The following RIT2 variants were observed in gnomAD, a reference collection of about 807,000 sequenced individuals.
RIT2 encodes the protein Ras like without CAAX 2.
RIT2 carries 24 observed loss-of-function variants against 23.7 expected under a neutral mutation model. That is an observed-to-expected ratio of 1.01 (90% CI 0.73 to 1.43). The LOEUF (loss-of-function observed/expected upper bound fraction) is 1.43. Ranked by LOEUF, RIT2 falls within the 40% of genes most tolerant of loss-of-function variation. RIT2 has a pLI of 0.00. For missense variants in RIT2, 236 were observed against 266.9 expected, an observed-to-expected ratio of 0.88 and a Z score of 0.81; for synonymous variants, 107 against 91.1, an observed-to-expected ratio of 1.17 and a Z score of -0.99.
chr18:42,763,342 G>C (rs1408040106), intron 4 of RIT2, among the ~76,000 whole-genome samples: 2 of 151,868 alleles, frequency 1.3e-5, no homozygotes, highest in South Asian at 2.1e-4. Context: ...GGCCCCTGTA[G>C]TCCCAGCTAC....
At chr18:42,776,831 G>A (rs1016527458) in intron 4 of RIT2, among the ~76,000 whole-genome samples, 1 of 152,058 alleles carries the variant, frequency 6.6e-6, no homozygotes, top group African/African-American at 2.4e-5. Context: ...GAGAAGCAAT[G>A]GGAAGGGCAT....
rs1403577036 is a variant in RIT2, at chr18:42,837,389, G to A, written c.426+86183C>T. Among the ~76,000 whole-genome samples, 5 of 151,354 alleles carry A rather than the reference G, an allele frequency of 3.3e-5. 1 individual carries two copies. Among genetic ancestry groups the A allele is most frequent in the Admixed American group, 1.3e-4 (2 of 15,208 alleles). On this transcript the variant is annotated intron_variant, in intron 4 of 4. Coordinates refer to ENST00000326695, the MANE Select transcript of RIT2 (RefSeq NM_002930.4). ...TCATCTTGTTAGCCAGGATGGTCTC[G>A]ATCTCCTGACCTCATGATCCGCCCG...
At chr18:42,766,542 G>C (rs1348457870) in intron 4 of RIT2, among the ~76,000 whole-genome samples, 1 of 152,184 alleles carries the variant, frequency 6.6e-6, no homozygotes, top group African/African-American at 2.4e-5. Context: ...GGAAAGCAGA[G>C]CATAAAAGTT....
intron 1 of RIT2, among the ~76,000 whole-genome samples, chr18:43,039,269 T>C (rs933028743): frequency 9.2e-5 from 14 of 152,130 alleles, no homozygotes; most frequent in Non-Finnish European, 1.5e-4. Flanking sequence ...CTCAGTCTTT[T>C]AAGTCTTCCC....
rs1215618608 is a variant in RIT2, at chr18:42,844,722, T to A, written c.426+78850A>T. On this transcript the variant is annotated intron_variant, in intron 4 of 4. Coordinates refer to ENST00000326695, the MANE Select transcript of RIT2 (RefSeq NM_002930.4). ...GGCAACATTGATTGGTAAAAAGACATTATTCAGAAAGAACCAATCAGGAGA... is the reference window on the plus strand; with the variant it reads ...GGCAACATTGATTGGTAAAAAGACAATATTCAGAAAGAACCAATCAGGAGA... Among the ~76,000 whole-genome samples, 3 of 151,978 alleles carry A rather than the reference T, an allele frequency of 2.0e-5. No individual in the cohort carries two copies. The East Asian group carries it at 5.8e-4, about 30-fold the overall frequency.
chr18:42,860,122 C>A lies in RIT2; in HGVS notation c.426+63450G>T, dbSNP rs1396503533. On this transcript the variant is annotated intron_variant, in intron 4 of 4. Coordinates refer to ENST00000326695, the MANE Select transcript of RIT2 (RefSeq NM_002930.4). ...TTCTCACAAGGAGCTCCAACTCCAA[C>A]CCAGGACAAATAAAGACAAACCATG... Among the ~76,000 whole-genome samples, 3 of 152,260 alleles carry A rather than the reference C, an allele frequency of 2.0e-5. No individual in the cohort carries two copies. In the East Asian group the frequency reaches 5.8e-4, roughly 29 times the overall value.
rs542511051 is a variant in RIT2, at chr18:43,028,728, G to T, written c.160+5083C>A. Among the ~76,000 whole-genome samples, 47 of 151,920 alleles carry T rather than the reference G, an allele frequency of 3.1e-4. 2 individuals are homozygous for T. The South Asian group carries it at 8.9e-3, about 29-fold the overall frequency. On this transcript the variant is annotated intron_variant, in intron 2 of 4. Transcript: ENST00000326695. ...CCTGTAGACCATGGCTCTGTGGTTT[G>T]CTCTCTAGAATAATTGGATACATTA... is the stretch of plus-strand genomic sequence containing the variant.
chr18:42,761,774 T>C (rs1462260677), intron 4 of RIT2, among the ~76,000 whole-genome samples: 1 of 152,148 alleles, frequency 6.6e-6, no homozygotes, highest in Non-Finnish European at 1.5e-5. Flanking sequence ...GCCTCCCAGG[T>C]TCAAGTGATT....
chr18:42,977,090 C>T (rs1219187684), intron 2 of RIT2, among the ~76,000 whole-genome samples: 2 of 151,982 alleles, frequency 1.3e-5, no homozygotes, highest in Non-Finnish European at 1.5e-5. Flanking sequence ...GTTGACTTTG[C>T]CATGTCTGTG....
intron 1 of RIT2, among the ~76,000 whole-genome samples, chr18:43,089,863 C>T (rs539237568): frequency 1.3e-5 from 2 of 152,130 alleles, no homozygotes; most frequent in South Asian, 4.1e-4. Flanking sequence ...AAATTGGTCC[C>T]CTTCCTTTCA....
chr18:42,815,065 A>G (rs1905957200), intron 4 of RIT2, among the ~76,000 whole-genome samples: 1 of 152,126 alleles, frequency 6.6e-6, no homozygotes, highest in Non-Finnish European at 1.5e-5. Context: ...GCCTACCCAA[A>G]ATAGAAGGAA....
At chr18:42,832,518 C>A (rs577883577) in intron 4 of RIT2, among the ~76,000 whole-genome samples, 2 of 152,026 alleles carry the variant, frequency 1.3e-5, no homozygotes, top group Non-Finnish European at 2.9e-5. Flanking sequence ...ATCCTGAATG[C>A]AAATCTTATC....
At chr18:43,020,405 G>C (rs1911569063) in intron 2 of RIT2, among the ~76,000 whole-genome samples, 1 of 152,010 alleles carries the variant, frequency 6.6e-6, no homozygotes, top group South Asian at 2.1e-4. Flanking sequence ...AGAATCACTT[G>C]AACCTGGGAG....
chr18:43,071,911 T>C (rs950092202), intron 1 of RIT2, among the ~76,000 whole-genome samples: 2 of 152,172 alleles, frequency 1.3e-5, no homozygotes, highest in Non-Finnish European at 2.9e-5. Context: ...CCCTTCTGAA[T>C]CTCACTATTA....
At chr18:42,872,489 T>C (rs1036528482) in intron 4 of RIT2, among the ~76,000 whole-genome samples, 3 of 152,168 alleles carry the variant, frequency 2.0e-5, no homozygotes, top group Non-Finnish European at 4.4e-5. Context: ...CTGTGCCCAA[T>C]ACTGAATCAA....
intron 1 of RIT2, among the ~76,000 whole-genome samples, chr18:43,103,825 G>A (rs1913745373): frequency 2.0e-5 from 3 of 152,270 alleles, no homozygotes; most frequent in South Asian, 2.1e-4. Context: ...GTTTGGGGAG[G>A]AGAAGAATCA....
chr18:43,100,541 A>T (rs999604042), intron 1 of RIT2, among the ~76,000 whole-genome samples: 1 of 152,202 alleles, frequency 6.6e-6, no homozygotes, highest in Non-Finnish European at 1.5e-5. Context: ...TGTAGGAGAC[A>T]ATTGAAACAT....
chr18:42,796,477 C>CACTATGA (rs1555638312), intron 4 of RIT2, among the ~76,000 whole-genome samples: 7 of 152,072 alleles, frequency 4.6e-5, no homozygotes, highest in Non-Finnish European at 1.0e-4. Context: ...CCGGACACAG[C>CACTATGA]TGGGTGCTGT....
At chr18:43,016,687 C>A (rs1911483160) in intron 2 of RIT2, among the ~76,000 whole-genome samples, 3 of 151,812 alleles carry the variant, frequency 2.0e-5, no homozygotes, top group Admixed American at 2.0e-4. Flanking sequence ...ATGGGACTAT[C>A]TTTAATCAGA....
Sources: allele counts gnomAD v4.1 joint callset (sites outside exome capture counted in the v4.1 genomes callset), GRCh38; gene constraint gnomAD v4.1.1; transcripts MANE v1.5; gene names NCBI Gene and HGNC (gene_info 2026-07-23, HGNC 2026-07-21).